The following LRFN5 variants were observed in gnomAD, a reference collection of about 807,000 sequenced individuals.
LRFN5 encodes the protein leucine rich repeat and fibronectin type III domain containing 5, also known as leucine-rich repeat and fibronectin type-III domain-containing protein 5.
In LRFN5, 24 loss-of-function variants were observed where a neutral mutation model predicts 45.6. The observed-to-expected ratio is 0.53, with a 90% CI of 0.38 to 0.74. LRFN5 has a LOEUF of 0.74. Ranked by LOEUF, LRFN5 falls within the 30% of genes least tolerant of loss-of-function variation. The pLI is 0.00. For synonymous variants in LRFN5, 340 were observed against 313.8 expected, an observed-to-expected ratio of 1.08 and a Z score of -0.88; for missense variants, 776 against 861.5, an observed-to-expected ratio of 0.90 and a Z score of 1.24.
intron 1 of LRFN5, among the ~76,000 whole-genome samples, chr14:41,728,673 C>T (rs919362388): frequency 7.9e-5 from 12 of 152,236 alleles, no homozygotes; most frequent in Admixed American, 7.2e-4. Flanking sequence ...TTCATCAAGG[C>T]TACCACATAA....
At chr14:41,651,543 T>A (rs1880126213) in intron 1 of LRFN5, among the ~76,000 whole-genome samples, 1 of 152,184 alleles carries the variant, frequency 6.6e-6, no homozygotes, top group African/African-American at 2.4e-5. Flanking sequence ...GATTCTCTAA[T>A]TTCTCCATGT....
intron 2 of LRFN5, among the ~76,000 whole-genome samples, chr14:41,789,981 T>C (rs1886862258): frequency 1.3e-5 from 2 of 151,962 alleles, no homozygotes; most frequent in Non-Finnish European, 1.5e-5. Context: ...CTTTCCCCTT[T>C]TCTGAGTCTT....
chr14:41,746,820 C>T lies in LRFN5; in HGVS notation c.-196-20034C>T, dbSNP rs1193832815. On this transcript the variant is annotated intron_variant, in intron 1 of 5. Coordinates refer to ENST00000298119, the MANE Select transcript of LRFN5 (RefSeq NM_152447.5). ...AGAAAATGCTAAAGAAAATACACAC[C>T]TGAAAGCCTGCTAGAACTAATGAAC... 5.3e-5 allele frequency among the ~76,000 whole-genome samples: 8 copies of T among 151,866 alleles called. No homozygotes were observed. In the East Asian group the frequency reaches 1.5e-3, roughly 29 times the overall value.
At chr14:41,866,313 A>G (rs535278258) in intron 2 of LRFN5, among the ~76,000 whole-genome samples, 2 of 152,266 alleles carry the variant, frequency 1.3e-5, no homozygotes, top group African/African-American at 4.8e-5. Flanking sequence ...TAAAAAAGAG[A>G]TCAGAGAGAA....
chr14:41,625,699 A>T (rs1287630463), intron 1 of LRFN5, among the ~76,000 whole-genome samples: 1 of 152,144 alleles, frequency 6.6e-6, no homozygotes, highest in Non-Finnish European at 1.5e-5. Flanking sequence ...AAATAGTCAT[A>T]TTTAACTTTA....
At chr14:41,676,245 G>A (rs1387151967) in intron 1 of LRFN5, among the ~76,000 whole-genome samples, 3 of 152,202 alleles carry the variant, frequency 2.0e-5, no homozygotes, top group Non-Finnish European at 4.4e-5. Flanking sequence ...GAAGAAGCAA[G>A]CTGAGAAGAC....
intron 2 of LRFN5, among the ~76,000 whole-genome samples, chr14:41,858,541 A>T (rs1385607325): frequency 2.6e-5 from 4 of 151,072 alleles, no homozygotes; most frequent in Non-Finnish European, 4.4e-5. Context: ...CTCTTTTGGG[A>T]CTTTTCCTCA....
Position 41,887,308 on chromosome 14 carries a change from T to C in LRFN5, c.683T>C (p.Ile228Thr). 6.2e-7 allele frequency: 1 copy of C among 1,614,218 alleles called. No individual in the cohort carries two copies. The highest frequency in any genetic ancestry group is 8.5e-7 in the Non-Finnish European group (1 of 1,180,034). ...CAGGTACTAGCAACCTCAGGAATCA[T>C]AAGCCCATCTACTTTTGCATTAAGT... Reference protein sequence around the residue: ...RAQVLATSGIISPSTFALSFG... With the variant: ...RAQVLATSGITSPSTFALSFG... Residue 228 changes from isoleucine to threonine, a missense_variant, in exon 3 of 6, where the codon ATA becomes ACA. Ile to Thr is a moderately conservative substitution (Grantham distance 89). This residue lies in a region of LRFN5 where 311 missense variants were observed against 405.1 expected (regional missense o/e 0.77). Transcript: ENST00000298119. This position sits in a 1 kb window ranked among gnomAD's most constrained non-coding sequence, Gnocchi z 4.8.
chr14:41,674,892 G>A (rs139764421), intron 1 of LRFN5, among the ~76,000 whole-genome samples: 39,816 of 151,010 alleles, frequency 0.26, 5,286 homozygotes, highest in South Asian at 0.36. Context: ...CAGACGGAAC[G>A]GCCGGGCAGA....
intron 1 of LRFN5, among the ~76,000 whole-genome samples, chr14:41,612,095 A>T (rs1190610260): frequency 2.0e-5 from 3 of 152,068 alleles, no homozygotes; most frequent in Admixed American, 2.0e-4. Flanking sequence ...TGCTGTTTGA[A>T]GCACTTTTGG....
At chr14:41,817,486 C>T (rs1350048459) in intron 2 of LRFN5, among the ~76,000 whole-genome samples, 5 of 152,046 alleles carry the variant, frequency 3.3e-5, no homozygotes, top group Non-Finnish European at 4.4e-5. Context: ...TACCTCTGAA[C>T]TGAGAGCTTC....
At chr14:41,766,060 C>T (rs1171828508) in intron 1 of LRFN5, among the ~76,000 whole-genome samples, 1 of 152,176 alleles carries the variant, frequency 6.6e-6, no homozygotes, top group East Asian at 1.9e-4. Context: ...TTATTTCTCA[C>T]TTTCGCTTCT....
At chr14:41,731,234 T>TTA (rs796449090) in intron 1 of LRFN5, 18 of 152,134 alleles carry the variant, frequency 1.2e-4, no homozygotes, top group African/African-American at 4.3e-4. Flanking sequence ...GGGTTTTTAT[T>TTA]TATATTTTCA....
chr14:41,674,727 G>A (rs1257677704), intron 1 of LRFN5, among the ~76,000 whole-genome samples: 14 of 151,886 alleles, frequency 9.2e-5, no homozygotes, highest in East Asian at 7.9e-4. Context: ...CCTCCCGGAC[G>A]GGGTGGCTGC....
intron 1 of LRFN5, among the ~76,000 whole-genome samples, chr14:41,763,464 G>C (rs886519196): frequency 2.0e-5 from 3 of 152,010 alleles, no homozygotes; most frequent in Non-Finnish European, 4.4e-5. Flanking sequence ...TTTTTTCTAA[G>C]TTCTTTCTGA....
intron 1 of LRFN5, among the ~76,000 whole-genome samples, chr14:41,660,821 TTAAATATA>T (rs1880615830): frequency 7.7e-6 from 1 of 130,104 alleles, no homozygotes; most frequent in Non-Finnish European, 1.6e-5. Context: ...TATATTCTCT[TTAAATATA>T]TATATATATA....
At chr14:41,711,774 A>G (rs539823378) in intron 1 of LRFN5, among the ~76,000 whole-genome samples, 3 of 152,358 alleles carry the variant, frequency 2.0e-5, no homozygotes, top group South Asian at 2.1e-4. Flanking sequence ...CGCATTATGA[A>G]TAAGACAATA....
chr14:41,650,121 G>A (rs1446440382), intron 1 of LRFN5, among the ~76,000 whole-genome samples: 5 of 151,956 alleles, frequency 3.3e-5, no homozygotes, highest in South Asian at 2.1e-4. Flanking sequence ...CAAGCCGAGC[G>A]TGGTGGCTCA....
intron 1 of LRFN5, among the ~76,000 whole-genome samples, chr14:41,760,781 G>A (rs987995787): frequency 1.3e-5 from 2 of 151,826 alleles, no homozygotes; most frequent in African/African-American, 2.4e-5. Flanking sequence ...GAGAAAAGGA[G>A]GGAAGGTGAA....
Sources: gnomAD v4.1 joint callset for allele counts (sites outside exome capture counted in the v4.1 genomes callset) on GRCh38, gnomAD v4.1.1 for gene constraint, gnomAD v4.1.1 regional missense constraint, Gnocchi (gnomAD v3.1) non-coding constraint, MANE v1.5 for transcripts, NCBI Gene and HGNC (gene_info 2026-07-23, HGNC 2026-07-21) for gene names.